The following POLR1G variants were observed in gnomAD, a reference collection of about 807,000 sequenced individuals.
POLR1G encodes RNA polymerase I subunit G.
Under a neutral mutation model 6.3 loss-of-function variants are expected in POLR1G, and 9 were observed. The observed-to-expected ratio is 1.44, with a 90% CI of 0.87 to 2.51. The LOEUF (loss-of-function observed/expected upper bound fraction) is 2.51, where lower values mean the gene tolerates loss of function less well. Among genes scored for constraint, POLR1G ranks in the 30% most tolerant of loss-of-function variants. POLR1G has a pLI of 0.00. For missense variants in POLR1G, 617 were observed against 632.5 expected (o/e 0.98, Z 0.26); for synonymous variants, 248 against 256.5 (o/e 0.97, Z 0.32).
chr19:45,408,327 G>T lies in POLR1G; in HGVS notation c.359G>T (p.Gly120Val). 6.2e-7 allele frequency: 1 copy of T among 1,609,482 alleles called. No homozygotes were observed. Among genetic ancestry groups the T allele is most frequent in the Non-Finnish European group, 8.5e-7 (1 of 1,176,852 alleles). The change falls in exon 3 of 3, where the codon GGT becomes GTT. Residue 120 changes from glycine (G) to valine (V), a missense_variant. Coordinates refer to ENST00000309424, the MANE Select transcript of POLR1G (RefSeq NM_012099.3). Reference protein sequence around the residue: ...APQGTLRILEGPQQSLSGSPL... With the variant: ...APQGTLRILEVPQQSLSGSPL... Reference sequence around the variant, plus strand: ...CAGGGCACCCTAAGGATCCTTGAGGGTCCCCAGCAATCCCTGTCAGGGAGC... The same window carrying T: ...CAGGGCACCCTAAGGATCCTTGAGGTTCCCCAGCAATCCCTGTCAGGGAGC...
chr19:45,408,061 CA>C (rs11314106), intron 2 of POLR1G, 71 bp from the exon 3 acceptor site: 402,314 of 1,398,026 alleles, frequency 0.29, 57,598 homozygotes, highest in African/African-American at 0.61. Flanking sequence ...CAAAAAAAAA[CA>C]AAAAAAAAAT....
intron 2 of POLR1G, chr19:45,407,712 G>A (rs1973428645): frequency 4.0e-6 from 1 of 247,050 alleles, no homozygotes; most frequent in Non-Finnish European, 7.8e-6. Context: ...AACCTTGTAA[G>A]TGCCTAGCTA....
At position 45,408,110 on chromosome 19, in the gene POLR1G, GCCCT is replaced by G. The variant is rs1452497887; in HGVS notation, c.165-18_165-15del. On this transcript the variant is annotated intron_variant, in intron 2 of 2. Coordinates refer to ENST00000309424, the MANE Select transcript of POLR1G (RefSeq NM_012099.3). ...CCTCTCCTGTTCCACTTAAGCCTCT[GCCCT>G]CCCTGTTTCTCTCTGTAGCTTCAAT... The G allele has an allele frequency of 1.3e-6, 2 of 1,565,376 alleles. No individual in the cohort carries two copies. The highest frequency in any genetic ancestry group is 1.7e-6 in the Non-Finnish European group (2 of 1,150,354).
intron 2 of POLR1G, 82 bp from the exon 3 acceptor site, chr19:45,408,051 C>CAAA: frequency 7.1e-7 from 1 of 1,399,426 alleles, no homozygotes; most frequent in Non-Finnish European, 9.4e-7. Context: ...AAGACTCTCT[C>CAAA]AAAAAAAAAC....
In POLR1G at chr19:45,409,663, C is replaced by A; in HGVS notation, c.*162C>A. 7.7e-7 allele frequency: 1 copy of A among 1,299,540 alleles called. No homozygotes were observed. Among genetic ancestry groups the A allele is most frequent in the Non-Finnish European group, 1.1e-6 (1 of 893,884 alleles). 80.5% of individuals were successfully genotyped at this position (1,299,540 alleles called of 1,614,324 possible). A position where few individuals can be genotyped will look rare whatever the true frequency, so the allele number is the denominator to read the frequency against. On this transcript the variant is annotated 3_prime_UTR_variant, in exon 3 of 3. Transcript: ENST00000309424. ...ATTATTACACTGGGGGTTTCCTTGG[C>A]AGCTGGGGTCATCAGGGTACTTTCA...
rs778451525 is a variant in POLR1G, at chr19:45,408,984, T to C, written c.1016T>C (p.Met339Thr). Residue 339 changes from methionine (M) to threonine (T), a missense_variant, in exon 3 of 3, where the codon ATG becomes ACG. Coordinates refer to ENST00000309424, the MANE Select transcript of POLR1G (RefSeq NM_012099.3). The part of the protein sequence containing the change: ...KRKKEKGQMA[M>T]MEPGTEAMEP... ...AAAAAAGAAAAGGGACAGATGGCAA[T>C]GATGGAGCCAGGGACGGAGGCGATG... 6.1e-5 allele frequency: 99 copies of C among 1,613,312 alleles called. No individual in the cohort carries two copies. The highest frequency in any genetic ancestry group is 1.0e-4 in the Admixed American group (6 of 59,936).
Position 45,409,023 on chromosome 19 carries a change from C to G in POLR1G, c.1055C>G (p.Pro352Arg). 1 of 1,614,040 alleles carries G rather than the reference C, an allele frequency of 6.2e-7. No individual in the cohort carries two copies. Among genetic ancestry groups the G allele is most frequent in the South Asian group, 1.1e-5 (1 of 91,074 alleles). Reference sequence around the variant, plus strand: ...ACGGAGGCGATGGAGCCAGTGGAGCCGGAGATGAAGCCTCTGGAGTCCCCA... The same window carrying G: ...ACGGAGGCGATGGAGCCAGTGGAGCGGGAGATGAAGCCTCTGGAGTCCCCA... ...PGTEAMEPVEPEMKPLESPGG... is the reference protein window; with the variant it reads ...PGTEAMEPVEREMKPLESPGG... The change falls in exon 3 of 3, where the codon CCG (proline) becomes CGG (arginine). Residue 352 changes from proline (P) to arginine (R), a missense_variant. Coordinates refer to ENST00000309424, the MANE Select transcript of POLR1G (RefSeq NM_012099.3).
rs1041342185 is a variant in POLR1G at position 45,409,602 on chromosome 19, C to A, written c.*101C>A. The A allele has an allele frequency of 6.3e-7, 1 of 1,577,692 alleles. No homozygotes were observed. Among genetic ancestry groups the A allele is most frequent in the Non-Finnish European group, 8.6e-7 (1 of 1,158,176 alleles). Reference sequence around the variant, plus strand: ...AATCCCTCCCCAGAGACTGCACCAGCGCAGCCAGCAGGAGCCTGGCCTGGG... The same window carrying A: ...AATCCCTCCCCAGAGACTGCACCAGAGCAGCCAGCAGGAGCCTGGCCTGGG... On this transcript the variant is annotated 3_prime_UTR_variant, in exon 3 of 3. Transcript: ENST00000309424.
Position 45,408,699 on chromosome 19 carries a change from T to G in POLR1G, c.731T>G (p.Val244Gly), listed in dbSNP as rs1599792491. ...PTVETLEPLG[V>G]LFPSTTKKRK... ...GTGGAGACACTGGAGCCTCTGGGAGTGCTGTTCCCGTCCACCACCAAGAAG... is the reference window on the plus strand; with the variant it reads ...GTGGAGACACTGGAGCCTCTGGGAGGGCTGTTCCCGTCCACCACCAAGAAG... The change falls in exon 3 of 3, where the codon GTG becomes GGG. Residue 244 changes from valine (V) to glycine (G), a missense_variant. Physicochemically the swap from Val to Gly is moderately radical, Grantham distance 109. Transcript: ENST00000309424. 1 of 1,604,116 alleles carries G rather than the reference T, an allele frequency of 6.2e-7. No individual in the cohort carries two copies. The highest frequency in any genetic ancestry group is 2.2e-5 in the East Asian group (1 of 44,512).
intron 2 of POLR1G, 63 bp from the exon 3 acceptor site, chr19:45,408,070 A>T: frequency 2.0e-6 from 3 of 1,506,620 alleles, no homozygotes; most frequent in Non-Finnish European, 2.7e-6. Context: ...ACAAAAAAAA[A>T]ATCAAAAAAC....
chr19:45,409,003 G>A lies in POLR1G; in HGVS notation c.1035G>A (p.Glu345=), dbSNP rs1300240168. 1 of 1,613,964 alleles carries A rather than the reference G, an allele frequency of 6.2e-7. No homozygotes were observed. The highest frequency in any genetic ancestry group is 8.5e-7 in the Non-Finnish European group (1 of 1,180,026). The change falls in exon 3 of 3, where the codon GAG becomes GAA. Residue 345 remains glutamate (E), a synonymous_variant. Transcript: ENST00000309424. ...TGGCAATGATGGAGCCAGGGACGGA[G>A]GCGATGGAGCCAGTGGAGCCGGAGA... ...GQMAMMEPGT[E]AMEPVEPEMK...
Position 45,409,556 on chromosome 19 carries a change from ACCAGAAGGTGACACCC to A in POLR1G, c.*62_*77del. On this transcript the variant is annotated 3_prime_UTR_variant, in exon 3 of 3. Transcript: ENST00000309424. ...AAAGCTGAAGGTGCCCACCTGGGCC[ACCAGAAGGTGACACCC>A]CCAGAATCCCTCCCCAGAGACTGCA... 6.4e-7 allele frequency: 1 copy of A among 1,573,314 alleles called. No individual in the cohort carries two copies. The highest frequency in any genetic ancestry group is 8.6e-7 in the Non-Finnish European group (1 of 1,159,674).
chr19:45,409,874 T>A lies in POLR1G; in HGVS notation c.*373T>A, dbSNP rs935643981. ...ACAAACAATCCAGTTACAATCTTTT[T>A]AAGTTATTATTATTATTATTATTTT... On this transcript the variant is annotated 3_prime_UTR_variant, in exon 3 of 3. Coordinates refer to ENST00000309424, the MANE Select transcript of POLR1G (RefSeq NM_012099.3). The A allele has an allele frequency of 1.0e-4, 40 of 395,386 alleles. No homozygotes were observed. The highest frequency in any genetic ancestry group is 8.4e-4 in the African/African-American group (35 of 41,582). 24.5% of individuals were successfully genotyped at this position (395,386 alleles called of 1,614,324 possible). A position where few individuals can be genotyped will look rare whatever the true frequency, so the allele number is the denominator to read the frequency against.
rs1421384393 is a variant in POLR1G at position 45,407,091 on chromosome 19, C to T, written c.23-3C>T. 1 of 1,586,974 alleles carries T rather than the reference C, an allele frequency of 6.3e-7. No individual in the cohort carries two copies. The highest frequency in any genetic ancestry group is 8.5e-7 in the Non-Finnish European group (1 of 1,171,558). The stretch of plus-strand genomic sequence containing the variant: ...GTCGACCCCATTTCCCCTTCTGCTG[C>T]AGATGCTGCTCGGTTCTCTTGTCCC... On this transcript the variant is annotated splice_region_variant and splice_polypyrimidine_tract_variant and intron_variant, in intron 1 of 2. Transcript: ENST00000309424.
chr19:45,407,275 G>C, intron 2 of POLR1G, 40 bp downstream of exon 2: 1 of 1,575,312 alleles, frequency 6.3e-7, no homozygotes, highest in Non-Finnish European at 8.6e-7. Context: ...TCCCGGTCCA[G>C]ACCCCAAGAG....
rs200386912 is a variant in POLR1G, at chr19:45,409,892, A to ATTTTTTTTTTTTTTTTTT, written c.*393_*394insTTTTTTTTTTTTTTTTTT. ...ATCTTTTTAAGTTATTATTATTATT[A>ATTTTTTTTTTTTTTTTTT]TTATTTTTTTTTTTTTTGAGATGGA... On this transcript the variant is annotated 3_prime_UTR_variant, in exon 3 of 3. Transcript: ENST00000309424. 9.8e-6 allele frequency: 2 copies of ATTTTTTTTTTTTTTTTTT among 203,776 alleles called. No homozygotes were observed. Among genetic ancestry groups the ATTTTTTTTTTTTTTTTTT allele is most frequent in the Non-Finnish European group, 1.6e-5 (2 of 121,684 alleles). 12.6% of individuals were successfully genotyped at this position (203,776 alleles called of 1,614,324 possible).
intron 2 of POLR1G, 137 bp downstream of exon 2, chr19:45,407,372 T>C: frequency 5.2e-6 from 4 of 766,606 alleles, no homozygotes; most frequent in Non-Finnish European, 8.3e-6. Flanking sequence ...ACTACTCCTT[T>C]ACAGAGTAGA....
Position 45,409,051 on chromosome 19 carries a change from G to A in POLR1G, c.1083G>A (p.Gly361=). The A allele has an allele frequency of 1.2e-6, 2 of 1,613,628 alleles. No individual in the cohort carries two copies. The highest frequency in any genetic ancestry group is 2.7e-5 in the African/African-American group (2 of 74,908). ...AGATGAAGCCTCTGGAGTCCCCAGG[G>A]GGGACCATGGCGCCTCAACAGCCAG... ...EPEMKPLESP[G]GTMAPQQPEG... Residue 361 remains glycine, a synonymous_variant, in exon 3 of 3, where the codon GGG becomes GGA. Coordinates refer to ENST00000309424, the MANE Select transcript of POLR1G (RefSeq NM_012099.3).
In POLR1G at chr19:45,409,465, C is replaced by G. The variant is rs1243282808; in HGVS notation, c.1497C>G (p.Asp499Glu). 5.0e-6 allele frequency: 8 copies of G among 1,612,100 alleles called. No homozygotes were observed. The highest frequency in any genetic ancestry group is 1.3e-5 in the African/African-American group (1 of 74,896). ...GGGAGGAGGCTCCCACAGGCCGGGA[C>G]AAGAAGCGGAAGCAGCAGCAGCAGC... is the stretch of plus-strand genomic sequence containing the variant. ...ESGEEAPTGR[D>E]KKRKQQQQQP... is the part of the protein sequence containing the mutation. Residue 499 changes from aspartate to glutamate, a missense_variant, in exon 3 of 3, where the codon GAC becomes GAG. Physicochemically the swap from Asp to Glu is conservative, Grantham distance 45. Coordinates refer to ENST00000309424, the MANE Select transcript of POLR1G (RefSeq NM_012099.3).
Sources: allele counts gnomAD v4.1 joint callset, GRCh38; gene constraint gnomAD v4.1.1; transcripts MANE v1.5; gene names NCBI Gene and HGNC (gene_info 2026-07-23, HGNC 2026-07-21).